DNER: variants seen among roughly 807,000 people sequenced by gnomAD.
DNER encodes delta/notch like EGF repeat containing.
In DNER, 33 loss-of-function variants were observed where a neutral mutation model predicts 78.2. The observed-to-expected ratio is 0.42, with a 90% CI of 0.32 to 0.56. The LOEUF is 0.56. Ranked by LOEUF, DNER falls within the 20% of genes least tolerant of loss-of-function variation. The pLI is 0.11. For missense variants in DNER, 918 were observed against 975.3 expected (o/e 0.94, Z 0.78); for synonymous variants, 417 against 384.8 (o/e 1.08, Z -0.98).
At chr2:229,619,174 T>C (rs956980380) in intron 1 of DNER, among the ~76,000 whole-genome samples, 14 of 146,830 alleles carry the variant, frequency 9.5e-5, no homozygotes, top group South Asian at 4.3e-4. Flanking sequence ...CACACACACA[T>C]ACACACACAC....
At chr2:229,378,430 C>T (rs1237272043) in intron 11 of DNER, among the ~76,000 whole-genome samples, 1 of 152,106 alleles carries the variant, frequency 6.6e-6, no homozygotes, top group East Asian at 1.9e-4. Flanking sequence ...GGGTGAAGGT[C>T]CTGAAGGCAG....
At chr2:229,566,768 C>T (rs534349233) in intron 4 of DNER, among the ~76,000 whole-genome samples, 112 of 152,310 alleles carry the variant, frequency 7.4e-4, no homozygotes, top group Middle Eastern at 3.4e-3. Context: ...TCCAAGACAC[C>T]TGTGGGTTTA....
At chr2:229,411,626 T>C (rs1328085388) in intron 9 of DNER, among the ~76,000 whole-genome samples, 1 of 152,188 alleles carries the variant, frequency 6.6e-6, no homozygotes, top group Non-Finnish European at 1.5e-5. Flanking sequence ...TCTGAGACTC[T>C]ATCCCTAGAA....
chr2:229,517,773 G>A (rs1171708014), intron 5 of DNER, among the ~76,000 whole-genome samples: 8 of 152,148 alleles, frequency 5.3e-5, no homozygotes, highest in African/African-American at 1.2e-4. Context: ...AGCCTCTGGC[G>A]GATAGAGTTC....
intron 11 of DNER, among the ~76,000 whole-genome samples, chr2:229,369,644 A>G (rs1186303396): frequency 6.6e-6 from 1 of 152,194 alleles, no homozygotes; most frequent in African/African-American, 2.4e-5. Flanking sequence ...ATTACTGAGC[A>G]TGGCCCTGTG....
At chr2:229,497,051 C>T (rs1695516922) in intron 6 of DNER, among the ~76,000 whole-genome samples, 1 of 151,950 alleles carries the variant, frequency 6.6e-6, no homozygotes, top group East Asian at 1.9e-4. Flanking sequence ...ATATGTTAGG[C>T]CAGAAGACAA....
rs116294608 is a variant in DNER at position 229,688,384 on chromosome 2, C to T, written c.276+25764G>A. On this transcript the variant is annotated intron_variant, in intron 1 of 12. Transcript: ENST00000341772. ...AAGCCACACTCCTCCAATTTAATTA[C>T]GGAAATTTATGGAGAGGAAGAGGGG... 7.8e-3 allele frequency among the ~76,000 whole-genome samples: 1,190 copies of T among 152,252 alleles called. 19 individuals are homozygous for T. The highest frequency in any genetic ancestry group is 0.027 in the African/African-American group (1,124 of 41,532).
At chr2:229,438,181 C>T (rs2106358283) in intron 8 of DNER, among the ~76,000 whole-genome samples, 1 of 152,228 alleles carries the variant, frequency 6.6e-6, no homozygotes, top group Non-Finnish European at 1.5e-5. Flanking sequence ...GGTTCAATAC[C>T]CTTGGAAGTC....
rs555047737 is a variant in DNER, at chr2:229,586,508, TAAAAAAAAA to T, written c.681-493_681-485del. Among the ~76,000 whole-genome samples the T allele has an allele frequency of 2.6e-3, 35 of 13,490 alleles. 1 individual carries two copies. The highest frequency in any genetic ancestry group is 8.0e-3 in the African/African-American group (30 of 3,730). The allele number at this position is 13,490 out of a possible 152,430, so 8.8% of individuals were successfully genotyped here. A position where few individuals can be genotyped will look rare whatever the true frequency, so the allele number is the denominator to read the frequency against. On this transcript the variant is annotated intron_variant, in intron 3 of 12. Coordinates refer to ENST00000341772, the MANE Select transcript of DNER (RefSeq NM_139072.4). ...CAGGCCTCCCCTGGCTCATTTTTGG[TAAAAAAAAA>T]AAAAAAAAAAAAAAAAAAAAAAAAA...
intron 5 of DNER, among the ~76,000 whole-genome samples, chr2:229,538,282 ACT>A (rs1391927415): frequency 6.6e-6 from 1 of 152,200 alleles, no homozygotes; most frequent in Non-Finnish European, 1.5e-5. Context: ...CTGGAGCATC[ACT>A]CTCTGACTCA....
At chr2:229,554,939 G>A (rs1354674816) in intron 4 of DNER, among the ~76,000 whole-genome samples, 99 of 44,634 alleles carry the variant, frequency 2.2e-3, no homozygotes, top group Admixed American at 5.6e-3. Flanking sequence ...AGAGAAGAGA[G>A]AAAAGGGAAG....
chr2:229,537,666 G>A (rs191568916), intron 5 of DNER, among the ~76,000 whole-genome samples: 87 of 152,124 alleles, frequency 5.7e-4, no homozygotes, highest in African/African-American at 2.0e-3. Context: ...ATAACTGTCC[G>A]CATGGGACAT....
intron 1 of DNER, among the ~76,000 whole-genome samples, chr2:229,595,917 G>A (rs907339965): frequency 6.6e-6 from 1 of 152,036 alleles, no homozygotes; most frequent in African/African-American, 2.4e-5. Flanking sequence ...TTAGATTCAG[G>A]GAGTATGTGT....
chr2:229,621,073 GT>G (rs1190614474), intron 1 of DNER, among the ~76,000 whole-genome samples: 2 of 152,206 alleles, frequency 1.3e-5, no homozygotes, highest in Non-Finnish European at 2.9e-5. Context: ...CATACAAGAA[GT>G]TTCTGCGTGT....
intron 6 of DNER, among the ~76,000 whole-genome samples, chr2:229,502,766 T>C (rs1695648287): frequency 6.6e-6 from 1 of 152,174 alleles, no homozygotes; most frequent in African/African-American, 2.4e-5. Flanking sequence ...GATAGTTTGA[T>C]AGAGAAATAG....
chr2:229,365,256 C>T (rs1046109600), intron 12 of DNER, among the ~76,000 whole-genome samples: 1 of 152,028 alleles, frequency 6.6e-6, no homozygotes, highest in African/African-American at 2.4e-5. Flanking sequence ...TCTTAGGCTG[C>T]CTGATTTGGA....
intron 6 of DNER, 96 bp downstream of exon 6, chr2:229,512,687 A>G: frequency 6.6e-7 from 1 of 1,508,970 alleles, no homozygotes; most frequent in African/African-American, 1.4e-5. Flanking sequence ...GTAACCAAGT[A>G]CCACCTGTTC....
In DNER at chr2:229,447,541, C is replaced by T; in HGVS notation, c.1262-1G>A. 6.2e-7 allele frequency: 1 copy of T among 1,613,496 alleles called. No homozygotes were observed. The highest frequency in any genetic ancestry group is 8.5e-7 in the Non-Finnish European group (1 of 1,179,760). ...TCTTCACAAGCAGATCCGAAGTATC[C>T]TGTGAAAAAACACATGAGAGCTTAA... On this transcript the variant is annotated splice_acceptor_variant, in intron 7 of 12. Transcript: ENST00000341772. LOFTEE classifies it high-confidence loss of function.
At chr2:229,646,883 G>A (rs1182759014) in intron 1 of DNER, among the ~76,000 whole-genome samples, 1 of 152,168 alleles carries the variant, frequency 6.6e-6, no homozygotes, top group Non-Finnish European at 1.5e-5. Flanking sequence ...AAATAAAACA[G>A]AGTGGCCAGG....
Sources: allele counts gnomAD v4.1 joint callset (sites outside exome capture counted in the v4.1 genomes callset), GRCh38; gene constraint gnomAD v4.1.1; transcripts MANE v1.5; gene names NCBI Gene and HGNC (gene_info 2026-07-23, HGNC 2026-07-21).